PEBP4: variants seen among roughly 807,000 people sequenced by gnomAD.
PEBP4 encodes the protein phosphatidylethanolamine binding protein 4, also known as phosphatidylethanolamine-binding protein 4.
In PEBP4, 22 loss-of-function variants were observed where a neutral mutation model predicts 23.9. The observed-to-expected ratio is 0.92, with a 90% CI of 0.66 to 1.31. The LOEUF is 1.31. Ranked by LOEUF, PEBP4 falls within the 40% of genes most tolerant of loss-of-function variation. PEBP4 has a pLI of 0.00. For synonymous variants in PEBP4, 112 were observed against 99.3 expected, an observed-to-expected ratio of 1.13 and a Z score of -0.76; for missense variants, 324 against 281.7, an observed-to-expected ratio of 1.15 and a Z score of -1.07.
At chr8:22,855,433 A>T (rs538009999) in intron 3 of PEBP4, among the ~76,000 whole-genome samples, 17 of 152,320 alleles carry the variant, frequency 1.1e-4, no homozygotes, top group Admixed American at 6.5e-4. Flanking sequence ...ACTAGAACAC[A>T]TTTAAAGTCC....
chr8:22,775,676 G>C lies in PEBP4; in HGVS notation c.357+41961C>G, dbSNP rs1476064000. On this transcript the variant is annotated intron_variant, in intron 4 of 6. Coordinates refer to ENST00000256404, the MANE Select transcript of PEBP4 (RefSeq NM_144962.3). This position sits in a 1 kb window ranked among gnomAD's most constrained non-coding sequence, Gnocchi z 4.8. Reference sequence around the variant, plus strand: ...GAGGCAGCGTCTCTGCGGCATACCAGCAAACCAGAAATTAGCTCCGTTCAT... The same window carrying C: ...GAGGCAGCGTCTCTGCGGCATACCACCAAACCAGAAATTAGCTCCGTTCAT... Among the ~76,000 whole-genome samples the C allele has an allele frequency of 1.3e-5, 2 of 152,160 alleles. No individual in the cohort carries two copies. The highest frequency in any genetic ancestry group is 1.3e-4 in the Admixed American group (2 of 15,282).
intron 3 of PEBP4, among the ~76,000 whole-genome samples, chr8:22,844,235 A>AATTT (rs1418139033): frequency 5.3e-5 from 8 of 152,042 alleles, no homozygotes; most frequent in South Asian, 2.1e-4. Flanking sequence ...CCGGTTAGAA[A>AATTT]ATTTATTTAT....
At chr8:22,759,028 T>C (rs1159811947) in intron 4 of PEBP4, among the ~76,000 whole-genome samples, 1 of 151,926 alleles carries the variant, frequency 6.6e-6, no homozygotes, top group Non-Finnish European at 1.5e-5. Context: ...AGGAGGGCCA[T>C]GGGAAACAGC....
Position 22,721,405 on chromosome 8 carries a change from G to C in PEBP4, c.517+3438C>G, listed in dbSNP as rs1804515695. On this transcript the variant is annotated intron_variant, in intron 6 of 6. Transcript: ENST00000256404. Reference sequence around the variant, plus strand: ...TGTCCTGTGGTCACAGTAAAAAGAGGAATCCTGGGGAGGGTTTCACCTCCT... The same window carrying C: ...TGTCCTGTGGTCACAGTAAAAAGAGCAATCCTGGGGAGGGTTTCACCTCCT... Among the ~76,000 whole-genome samples, 3 of 152,082 alleles carry C rather than the reference G, an allele frequency of 2.0e-5. No individual in the cohort carries two copies. The South Asian group carries it at 6.2e-4, about 32-fold the overall frequency.
At chr8:22,821,827 T>C (rs1806863827) in intron 3 of PEBP4, among the ~76,000 whole-genome samples, 1 of 151,698 alleles carries the variant, frequency 6.6e-6, no homozygotes, top group South Asian at 2.1e-4. Context: ...CTACTAAAAA[T>C]ATAAAAAATT....
chr8:22,728,529 CTTCTTTCTTCCTTCCTTTCT>C (rs1563196226), intron 4 of PEBP4, among the ~76,000 whole-genome samples: 5 of 146,886 alleles, frequency 3.4e-5, no homozygotes, highest in African/African-American at 1.3e-4. Flanking sequence ...TGCTGGCTTG[CTTCTTTCTTCCTTCCTTTCT>C]TTCTTTCTTT....
At chr8:22,774,370 A>C (rs1258503326) in intron 4 of PEBP4, among the ~76,000 whole-genome samples, 1 of 152,342 alleles carries the variant, frequency 6.6e-6, no homozygotes, top group Admixed American at 6.5e-5. Context: ...AGGGAGGGCT[A>C]TGTTTAACCC....
chr8:22,908,832 G>A (rs1808872549), intron 3 of PEBP4, among the ~76,000 whole-genome samples: 1 of 152,226 alleles, frequency 6.6e-6, no homozygotes, highest in Non-Finnish European at 1.5e-5. Flanking sequence ...GGCACGCTCA[G>A]TGCTGGGCCT....
chr8:22,841,386 T>A (rs888305857), intron 3 of PEBP4, among the ~76,000 whole-genome samples: 3 of 152,274 alleles, frequency 2.0e-5, no homozygotes, highest in Admixed American at 1.3e-4. Context: ...TCAAAAGCTT[T>A]TGACAAGGTT....
chr8:22,875,758 C>A (rs1401794510), intron 3 of PEBP4, among the ~76,000 whole-genome samples: 1 of 152,038 alleles, frequency 6.6e-6, no homozygotes, highest in Non-Finnish European at 1.5e-5. Context: ...CGTCACCCAC[C>A]CGCACTGTCC....
chr8:22,803,079 G>T (rs1049861280), intron 4 of PEBP4, among the ~76,000 whole-genome samples: 1 of 152,114 alleles, frequency 6.6e-6, no homozygotes, highest in South Asian at 2.1e-4. Flanking sequence ...GCCCTGTACC[G>T]TGAGACCTCC....
At chr8:22,848,498 TGTGA>T (rs1016982825) in intron 3 of PEBP4, among the ~76,000 whole-genome samples, 5 of 152,088 alleles carry the variant, frequency 3.3e-5, no homozygotes, top group African/African-American at 4.8e-5. Flanking sequence ...TGCATGTGTG[TGTGA>T]GTGTGTGCTC....
At chr8:22,833,965 C>T (rs1213905737) in intron 3 of PEBP4, among the ~76,000 whole-genome samples, 1 of 152,216 alleles carries the variant, frequency 6.6e-6, no homozygotes, top group East Asian at 1.9e-4. Flanking sequence ...TGACTGACTA[C>T]AACCCAGATT....
At chr8:22,869,765 C>T (rs984873209) in intron 3 of PEBP4, among the ~76,000 whole-genome samples, 4 of 152,166 alleles carry the variant, frequency 2.6e-5, no homozygotes, top group Non-Finnish European at 4.4e-5. Context: ...ACAGACACCT[C>T]ACCAAAGAAA....
chr8:22,908,160 G>A (rs934883005), intron 3 of PEBP4, among the ~76,000 whole-genome samples: 6 of 152,234 alleles, frequency 3.9e-5, no homozygotes, highest in Admixed American at 2.6e-4. Flanking sequence ...GGCTGGCCAT[G>A]TTTCATTTGA....
At chr8:22,827,483 G>C (rs1806995980) in intron 3 of PEBP4, among the ~76,000 whole-genome samples, 1 of 152,030 alleles carries the variant, frequency 6.6e-6, no homozygotes, top group South Asian at 2.1e-4. Flanking sequence ...AATATAAATG[G>C]AGTCATAATA....
intron 6 of PEBP4, among the ~76,000 whole-genome samples, chr8:22,715,712 C>A (rs998553364): frequency 2.6e-5 from 4 of 152,214 alleles, no homozygotes; most frequent in African/African-American, 9.6e-5. Context: ...GGTTCTCGGG[C>A]TCCCTGGCCA....
intron 4 of PEBP4, among the ~76,000 whole-genome samples, chr8:22,758,596 T>A (rs1185413675): frequency 6.6e-6 from 1 of 152,202 alleles, no homozygotes; most frequent in African/African-American, 2.4e-5. Context: ...CCTGGCTGTA[T>A]GCTGTTAGGC....
intron 4 of PEBP4, among the ~76,000 whole-genome samples, chr8:22,730,292 T>C (rs1329341769): frequency 1.3e-5 from 2 of 152,196 alleles, no homozygotes; most frequent in African/African-American, 4.8e-5. Context: ...ATCCCAGCAC[T>C]TTGGGAGGCT....
Sources: allele counts gnomAD v4.1 joint callset (sites outside exome capture counted in the v4.1 genomes callset), GRCh38; gene constraint gnomAD v4.1.1; non-coding constraint Gnocchi (gnomAD v3.1); transcripts MANE v1.5; gene names NCBI Gene and HGNC (gene_info 2026-07-23, HGNC 2026-07-21).